SACM1L: variants seen among roughly 807,000 people sequenced by gnomAD.
SACM1L encodes the protein phosphatidylinositol-3-phosphatase SAC1.
In SACM1L, 32 loss-of-function variants were observed where a neutral mutation model predicts 89.5. The observed-to-expected ratio is 0.36, with a 90% CI of 0.27 to 0.48. The LOEUF is 0.48. SACM1L is among the 20% of genes least tolerant of loss of function. The probability of loss-of-function intolerance (pLI) is 0.99; values close to 1 mark genes in which losing one functional copy is unlikely to be tolerated. For synonymous variants in SACM1L, 213 were observed against 232.8 expected (o/e 0.92, Z 0.77); for missense variants, 543 against 708.5 (o/e 0.77, Z 2.65).
Position 45,695,768 on chromosome 3 carries a change from C to T in SACM1L, c.32+6271C>T, listed in dbSNP as rs111376396. ...TTGTACAACCGTTATCACCATCCAT[C>T]ACCAGAACCGTTTTCATCTTGCAAA... On this transcript the variant is annotated intron_variant, in intron 1 of 19. Transcript: ENST00000389061. 4.6e-3 allele frequency among the ~76,000 whole-genome samples: 702 copies of T among 152,268 alleles called. 5 individuals are homozygous for T. Among genetic ancestry groups the T allele is most frequent in the African/African-American group, 0.016 (663 of 41,552 alleles).
chr3:45,715,093 G>A (rs1409650941), intron 7 of SACM1L, among the ~76,000 whole-genome samples: 1 of 152,182 alleles, frequency 6.6e-6, no homozygotes, highest in Non-Finnish European at 1.5e-5. Context: ...TGTAGCCTAG[G>A]TGTGTAGTAG....
Position 45,743,681 on chromosome 3 carries a change from T to C in SACM1L, c.*12T>C, listed in dbSNP as rs1460082139. On this transcript the variant is annotated 3_prime_UTR_variant, in exon 20 of 20. Coordinates refer to ENST00000389061, the MANE Select transcript of SACM1L (RefSeq NM_014016.5). ...AAAAGATAGACTGAATTTGTATTTG[T>C]GGAAAGCGGCTTGGCTTGGAAGATT... The C allele has an allele frequency of 1.9e-6, 3 of 1,610,164 alleles. No individual in the cohort carries two copies. In the Admixed American group the frequency reaches 5.1e-5, roughly 27 times the overall value.
chr3:45,738,737 G>T (rs181967325), intron 17 of SACM1L, 44 bp from the exon 18 acceptor site: 29 of 1,522,196 alleles, frequency 1.9e-5, no homozygotes, highest in Non-Finnish European at 2.6e-5. Flanking sequence ...CATCACTAAT[G>T]TTATCTCACA....
intron 19 of SACM1L, among the ~76,000 whole-genome samples, chr3:45,740,330 A>G (rs1699288068): frequency 6.6e-6 from 1 of 152,182 alleles, no homozygotes; most frequent in Non-Finnish European, 1.5e-5. Flanking sequence ...CTGTGAAAAT[A>G]AACTGTTAAT....
At chr3:45,733,859 G>T (rs1427289202) in intron 13 of SACM1L, among the ~76,000 whole-genome samples, 1 of 152,162 alleles carries the variant, frequency 6.6e-6, no homozygotes, top group Non-Finnish European at 1.5e-5. Context: ...AGTTGCGTAT[G>T]ATGCTAAGGC....
rs777539028 is a variant in SACM1L, at chr3:45,714,074, A to G, written c.572A>G (p.His191Arg). Residue 191 changes from histidine (H) to arginine (R), a missense_variant, in exon 7 of 20, where the codon CAT becomes CGT. Physicochemically the swap from His to Arg is conservative, Grantham distance 29. Coordinates refer to ENST00000389061, the MANE Select transcript of SACM1L (RefSeq NM_014016.5). ...EVHRFALPVL[H>R]GFITMHSCSI... ...CATCGGTTTGCCCTTCCAGTGTTAC[A>G]TGGCTGTATCCTTACATGATATTAC... The G allele has an allele frequency of 1.3e-6, 2 of 1,550,590 alleles. No homozygotes were observed. The highest frequency in any genetic ancestry group is 1.8e-6 in the Non-Finnish European group (2 of 1,137,018).
chr3:45,720,350 A>G (rs1205029742), intron 8 of SACM1L, among the ~76,000 whole-genome samples: 1 of 152,148 alleles, frequency 6.6e-6, no homozygotes, highest in Non-Finnish European at 1.5e-5. Flanking sequence ...TTGAACAGGT[A>G]GTGCATTTAC....
intron 10 of SACM1L, among the ~76,000 whole-genome samples, chr3:45,723,251 A>G (rs986956848): frequency 2.6e-5 from 4 of 152,112 alleles, no homozygotes; most frequent in Non-Finnish European, 5.9e-5. Flanking sequence ...CTGAGGTTGT[A>G]CTCAGAATTA....
intron 1 of SACM1L, 29 bp from the exon 2 acceptor site, chr3:45,703,409 A>C (rs776303104): frequency 5.6e-6 from 8 of 1,418,960 alleles, no homozygotes; most frequent in Non-Finnish European, 8.0e-6. Context: ...TCATTTGGTT[A>C]GTTATTTATG....
At chr3:45,703,630 G>T in intron 2 of SACM1L, 95 bp downstream of exon 2, 1 of 725,570 alleles carries the variant, frequency 1.4e-6, no homozygotes, top group Non-Finnish European at 2.2e-6. Flanking sequence ...GTCAGTGTGT[G>T]GATCTCTGAG....
intron 5 of SACM1L, among the ~76,000 whole-genome samples, chr3:45,710,690 A>G (rs1009489018): frequency 1.3e-5 from 2 of 152,096 alleles, no homozygotes; most frequent in Non-Finnish European, 2.9e-5. Flanking sequence ...ATTAGGTTGG[A>G]CAATGTGAAG....
chr3:45,726,672 C>T (rs1265119284), intron 11 of SACM1L, among the ~76,000 whole-genome samples: 2 of 151,856 alleles, frequency 1.3e-5, no homozygotes, highest in African/African-American at 4.8e-5. Flanking sequence ...GTTTTATTGA[C>T]TTTATTGTTT....
chr3:45,698,060 T>G (rs999843251), intron 1 of SACM1L, among the ~76,000 whole-genome samples: 1 of 152,268 alleles, frequency 6.6e-6, no homozygotes, highest in African/African-American at 2.4e-5. Flanking sequence ...GAATGTTTAC[T>G]TAATTGTTTT....
chr3:45,715,271 A>G (rs1698625176), intron 7 of SACM1L, among the ~76,000 whole-genome samples: 1 of 152,232 alleles, frequency 6.6e-6, no homozygotes, highest in Non-Finnish European at 1.5e-5. Context: ...GCTTATCAAT[A>G]CAAGTCTATT....
chr3:45,735,025 A>AT (rs1256490788), intron 13 of SACM1L: 2 of 430,618 alleles, frequency 4.6e-6, no homozygotes, highest in Non-Finnish European at 8.1e-6. Context: ...ATCTTCAGCC[A>AT]TTTTTTGGAT....
chr3:45,725,307 A>T (rs377571106), intron 11 of SACM1L, among the ~76,000 whole-genome samples: 1 of 21,946 alleles, frequency 4.6e-5, no homozygotes, highest in Non-Finnish European at 1.2e-4. Context: ...TAATATTGTT[A>T]GTCCATCAAC....
intron 16 of SACM1L, among the ~76,000 whole-genome samples, 166 bp from the exon 17 acceptor site, chr3:45,738,412 T>C (rs1488835460): frequency 6.6e-6 from 1 of 152,244 alleles, no homozygotes; most frequent in African/African-American, 2.4e-5. Context: ...AAAATAGGTA[T>C]TTCTTGGACC....
chr3:45,699,044 A>C (rs111990429), intron 1 of SACM1L, among the ~76,000 whole-genome samples: 26 of 152,114 alleles, frequency 1.7e-4, no homozygotes, highest in African/African-American at 6.3e-4. Flanking sequence ...AAGTGCTGGG[A>C]TTTTGCATGA....
intron 1 of SACM1L, among the ~76,000 whole-genome samples, chr3:45,698,198 A>G (rs1698174533): frequency 6.6e-6 from 1 of 152,258 alleles, no homozygotes; most frequent in African/African-American, 2.4e-5. Context: ...ATTAAGACCA[A>G]TACAAAAGTG....
Sources: allele counts gnomAD v4.1 joint callset (sites outside exome capture counted in the v4.1 genomes callset), GRCh38; gene constraint gnomAD v4.1.1; transcripts MANE v1.5; gene names NCBI Gene and HGNC (gene_info 2026-07-23, HGNC 2026-07-21).